The following SHISA9 variants were observed in gnomAD, a reference collection of about 807,000 sequenced individuals.
The protein encoded by SHISA9 is shisa family member 9, also known as protein shisa-9.
In SHISA9, 13 loss-of-function variants were observed where a neutral mutation model predicts 38.0. The observed-to-expected ratio is 0.34, with a 90% confidence interval of 0.22 to 0.54. The LOEUF (loss-of-function observed/expected upper bound fraction) is 0.54, where lower values mean the gene tolerates loss of function less well. Ranked by LOEUF, SHISA9 falls within the 20% of genes least tolerant of loss-of-function variation. The probability of loss-of-function intolerance (pLI) is 0.91; values close to 1 mark genes in which losing one functional copy is unlikely to be tolerated. For synonymous variants in SHISA9, 275 were observed against 242.0 expected, an observed-to-expected ratio of 1.14 and a Z score of -1.27; for missense variants, 538 against 575.8, an observed-to-expected ratio of 0.93 and a Z score of 0.67.
chr16:13,084,892 G>A (rs939930483), intron 2 of SHISA9, among the ~76,000 whole-genome samples: 1 of 152,226 alleles, frequency 6.6e-6, no homozygotes, highest in African/African-American at 2.4e-5. Context: ...GATTTCCAAG[G>A]GGGGAAGGTT....
chr16:13,322,950 A>T, the SHISA9 span, among the ~76,000 whole-genome samples: 1 of 152,156 alleles, frequency 6.6e-6, no homozygotes, highest in Non-Finnish European at 1.5e-5. Context: ...CAGTACCTGC[A>T]CCACAACTGT....
Position 13,048,391 on chromosome 16 carries a change from C to G in SHISA9, c.691+131576C>G, listed in dbSNP as rs139967176. 4.2e-4 allele frequency among the ~76,000 whole-genome samples: 64 copies of G among 152,252 alleles called. 1 individual carries two copies. Among genetic ancestry groups the G allele is most frequent in the African/African-American group, 1.5e-3 (63 of 41,560 alleles). On this transcript the variant is annotated intron_variant, in intron 2 of 4. Transcript: ENST00000558583. ...TCTTGACTGTGCAATTTCTAGTAAG[C>G]CTTTTGAGCCACCAAAAATAGTTTA...
intron 2 of SHISA9, among the ~76,000 whole-genome samples, chr16:13,037,024 G>A (rs181866105): frequency 4.7e-4 from 69 of 148,052 alleles, no homozygotes; most frequent in African/African-American, 1.7e-3. Flanking sequence ...TGTTCTCAAT[G>A]TAATTTTGTA....
chr16:13,063,412 A>T (rs909892633), intron 2 of SHISA9, among the ~76,000 whole-genome samples: 2 of 152,154 alleles, frequency 1.3e-5, no homozygotes, highest in African/African-American at 4.8e-5. Flanking sequence ...TAGTTAGGCT[A>T]GTGCCTGGCA....
At chr16:13,428,293 A>G in the SHISA9 span, among the ~76,000 whole-genome samples, 5 of 150,982 alleles carry the variant, frequency 3.3e-5, no homozygotes, top group South Asian at 4.2e-4. Context: ...AAAACAAAGA[A>G]AGAGAGAGAG....
At chr16:13,272,091 A>AG in the SHISA9 span, among the ~76,000 whole-genome samples, 2 of 81,180 alleles carry the variant, frequency 2.5e-5, no homozygotes, top group Admixed American at 1.8e-4. Context: ...AAAAAAAAAA[A>AG]AGAGAGAGAG....
intron 1 of SHISA9, among the ~76,000 whole-genome samples, chr16:12,907,502 AG>A (rs765262981): frequency 1.3e-4 from 20 of 152,198 alleles, no homozygotes; most frequent in Middle Eastern, 6.8e-3. Flanking sequence ...CCTGAGAGCA[AG>A]GACATTTTCC....
the SHISA9 span, among the ~76,000 whole-genome samples, chr16:13,410,328 T>G: frequency 6.6e-6 from 1 of 152,244 alleles, no homozygotes; most frequent in African/African-American, 2.4e-5. Flanking sequence ...ATTATTATGC[T>G]TTAAATTTAC....
intron 2 of SHISA9, among the ~76,000 whole-genome samples, chr16:13,114,860 G>A (rs1449513913): frequency 6.6e-6 from 1 of 151,590 alleles, no homozygotes; most frequent in East Asian, 1.9e-4. Flanking sequence ...ATGCTTTGGG[G>A]CTTTATATAT....
the SHISA9 span, among the ~76,000 whole-genome samples, chr16:13,442,306 C>G: frequency 6.8e-6 from 1 of 147,466 alleles, no homozygotes. Flanking sequence ...CAAATGTTAA[C>G]AAGGAAACAA....
In SHISA9 at chr16:13,196,332, G is replaced by A. The variant is rs933969758; in HGVS notation, c.692-7062G>A. On this transcript the variant is annotated intron_variant, in intron 2 of 4. Transcript: ENST00000558583. The stretch of plus-strand genomic sequence containing the variant: ...GAATGGCGTGAACCCAGGAGGCGGA[G>A]CTTGCAGTGAGCCGAGATTGCACCA... Among the ~76,000 whole-genome samples, 3 of 147,382 alleles carry A rather than the reference G, an allele frequency of 2.0e-5. No homozygotes were observed. The Admixed American group carries it at 2.1e-4, about 10-fold the overall frequency.
At chr16:13,513,995 A>G in the SHISA9 span, among the ~76,000 whole-genome samples, 1 of 135,426 alleles carries the variant, frequency 7.4e-6, no homozygotes, top group Admixed American at 7.6e-5. Context: ...AAAGTAAAAT[A>G]AAATAAAATA....
At chr16:12,960,195 A>C (rs1160309994) in intron 2 of SHISA9, among the ~76,000 whole-genome samples, 1 of 152,326 alleles carries the variant, frequency 6.6e-6, no homozygotes, top group East Asian at 1.9e-4. Flanking sequence ...ACTGCAAACA[A>C]GATTTTCCTA....
the SHISA9 span, among the ~76,000 whole-genome samples, chr16:13,433,624 CAT>C: frequency 1.3e-5 from 2 of 152,282 alleles, no homozygotes; most frequent in Non-Finnish European, 2.9e-5. Context: ...CTCACCACCA[CAT>C]GTCACTGCAT....
chr16:12,945,502 G>GA (rs1214849836), intron 2 of SHISA9, among the ~76,000 whole-genome samples: 7 of 152,068 alleles, frequency 4.6e-5, no homozygotes, highest in African/African-American at 7.2e-5. Flanking sequence ...AAAGTACAGG[G>GA]AAAAAATCCT....
At chr16:12,915,136 ACTT>A (rs2071237816) in intron 1 of SHISA9, among the ~76,000 whole-genome samples, 1 of 152,084 alleles carries the variant, frequency 6.6e-6, no homozygotes, top group Non-Finnish European at 1.5e-5. Flanking sequence ...ACCCTGGAGA[ACTT>A]CTCTGTGGTA....
chr16:13,411,223 A>C, the SHISA9 span, among the ~76,000 whole-genome samples: 36 of 152,328 alleles, frequency 2.4e-4, no homozygotes, highest in African/African-American at 7.9e-4. Context: ...AACACTTTGA[A>C]AGCTAGACAG....
At chr16:13,049,471 C>T (rs1355453868) in intron 2 of SHISA9, among the ~76,000 whole-genome samples, 1 of 152,122 alleles carries the variant, frequency 6.6e-6, no homozygotes, top group Non-Finnish European at 1.5e-5. Context: ...AATGACCTAG[C>T]TTGGCTTTGC....
At chr16:12,983,997 C>T (rs1007129084) in intron 2 of SHISA9, among the ~76,000 whole-genome samples, 1 of 152,154 alleles carries the variant, frequency 6.6e-6, no homozygotes, top group Non-Finnish European at 1.5e-5. Flanking sequence ...TTCTACTTGG[C>T]TGTTGGTGTT....
Sources: allele counts gnomAD v4.1 joint callset (sites outside exome capture counted in the v4.1 genomes callset), GRCh38; gene constraint gnomAD v4.1.1; transcripts MANE v1.5; gene names NCBI Gene and HGNC (gene_info 2026-07-23, HGNC 2026-07-21).